The following EIF3A variants were observed in gnomAD, a reference collection of about 807,000 sequenced individuals.
EIF3A encodes EIF3, p180 subunit.
EIF3A carries 21 observed loss-of-function variants against 186.6 expected under a neutral mutation model. The observed-to-expected ratio is 0.11, with a 90% CI of 0.08 to 0.16. EIF3A has a LOEUF of 0.16. Ranked by LOEUF, EIF3A falls within the 10% of genes least tolerant of loss-of-function variation. The pLI is 1.00. For missense variants in EIF3A, 1,306 were observed against 1,796.3 expected, an observed-to-expected ratio of 0.73 and a Z score of 4.93; for synonymous variants, 563 against 584.3, an observed-to-expected ratio of 0.96 and a Z score of 0.52.
intron 20 of EIF3A, 181 bp downstream of exon 20, chr10:119,038,057 C>G: frequency 1.4e-5 from 8 of 566,522 alleles, no homozygotes; most frequent in Non-Finnish European, 2.5e-5. Flanking sequence ...GCTGGGATTA[C>G]AGGCATGCGC....
chr10:119,056,998 C>T lies in EIF3A; in HGVS notation c.2020G>A (p.Val674Ile). 6.2e-7 allele frequency: 1 copy of T among 1,613,030 alleles called. No individual in the cohort carries two copies. The highest frequency in any genetic ancestry group is 8.5e-7 in the Non-Finnish European group (1 of 1,179,682). The change falls in exon 13 of 22, where the codon GTT becomes ATT. Residue 674 changes from valine to isoleucine, a missense_variant. Around this residue, in one of 8 missense-constraint regions of EIF3A, gnomAD observed 94 missense variants for 204.9 expected, o/e 0.46. Transcript: ENST00000369144. ...LDPDFIMAKQ[V>I]EQLEKEKKEL... The stretch of plus-strand genomic sequence containing the variant: ...TTCTTTTCTTTCTCCAGTTGTTCAA[C>T]CTGTTTAGCCATGATAAAATCTGGA...
chr10:119,053,608 G>A (rs867996175), intron 14 of EIF3A, among the ~76,000 whole-genome samples: 6 of 150,450 alleles, frequency 4.0e-5, no homozygotes, highest in East Asian at 2.0e-4. Flanking sequence ...GCCTGTGGTC[G>A]CAGCTACTCA....
intron 5 of EIF3A, among the ~76,000 whole-genome samples, chr10:119,070,634 T>C (rs894224264): frequency 6.6e-6 from 1 of 152,214 alleles, no homozygotes; most frequent in Admixed American, 6.5e-5. Context: ...ACTGGCAATG[T>C]ATTGTTTTAT....
At chr10:119,060,087 A>G (rs1366697347) in intron 9 of EIF3A, 2 of 515,352 alleles carry the variant, frequency 3.9e-6, no homozygotes, top group East Asian at 5.4e-5. Context: ...TGTATAGCAC[A>G]TAAGAAATAA....
intron 16 of EIF3A, 151 bp downstream of exon 16, chr10:119,050,370 A>G (rs2119818652): frequency 1.4e-6 from 1 of 740,336 alleles, no homozygotes; most frequent in Admixed American, 2.4e-5. Flanking sequence ...ACAACTTCAC[A>G]TACAGCAAAC....
chr10:119,051,083 A>C, intron 15 of EIF3A, 116 bp downstream of exon 15: 3 of 863,154 alleles, frequency 3.5e-6, no homozygotes, highest in Non-Finnish European at 3.4e-6. Flanking sequence ...CTATTATTTG[A>C]ATGACCGTTA....
At chr10:119,037,060 T>TTTC in intron 21 of EIF3A, 59 bp downstream of exon 21, 2 of 391,262 alleles carry the variant, frequency 5.1e-6, no homozygotes, top group Admixed American at 3.4e-5. Flanking sequence ...ATAACCCAAA[T>TTTC]CCCCCCCCCC....
chr10:119,037,276 C>T lies in EIF3A; in HGVS notation c.3762G>A (p.Glu1254=), dbSNP rs764625812. 5.6e-6 allele frequency: 9 copies of T among 1,614,026 alleles called. No individual in the cohort carries two copies. In the African/African-American group the frequency reaches 8.0e-5, roughly 14 times the overall value. The change falls in exon 21 of 22, where the codon GAG becomes GAA. Residue 1254 remains glutamate (E), a synonymous_variant. Coordinates refer to ENST00000369144, the MANE Select transcript of EIF3A (RefSeq NM_003750.4). ...DEGGWRRGPA[E]ESSSWRDSSR... ...TTGAGTCTCTCCAGCTTGAAGATTC[C>T]TCAGCTGGTCCTCTTCTCCAGCCAC...
chr10:119,061,198 AC>A (rs1843879616), intron 8 of EIF3A, 25 bp downstream of exon 8: 1 of 1,341,986 alleles, frequency 7.5e-7, no homozygotes, highest in Non-Finnish European at 1.0e-6. Flanking sequence ...TGTGGTAACA[AC>A]CAGAACTTAA....
rs199678201 is a variant in EIF3A, at chr10:119,051,355, CTTTT to C, written c.2197-38_2197-35del. 10 of 1,361,310 alleles carry C rather than the reference CTTTT, an allele frequency of 7.3e-6. No individual in the cohort carries two copies. In the African/African-American group the frequency reaches 7.6e-5, roughly 10 times the overall value. The allele number at this position is 1,361,310 out of a possible 1,614,324, so 84.3% of individuals were successfully genotyped here. On this transcript the variant is annotated intron_variant, in intron 14 of 21. Transcript: ENST00000369144. ...ACAAATATTGTGAAATTTCAATGCA[CTTTT>C]TTTTTTACTCATTAACCCCAAATTA...
chr10:119,072,815 T>C (rs1844100354), intron 4 of EIF3A, 75 bp downstream of exon 4: 1 of 1,510,562 alleles, frequency 6.6e-7, no homozygotes, highest in African/African-American at 1.4e-5. Context: ...CTAGTTCATT[T>C]TAAGTACTTT....
intron 10 of EIF3A, 68 bp downstream of exon 10, chr10:119,059,534 G>C: frequency 3.6e-6 from 5 of 1,386,258 alleles, no homozygotes; most frequent in Non-Finnish European, 4.1e-6. Context: ...CAAAAGCTGA[G>C]AAACAGAAGG....
intron 1 of EIF3A, among the ~76,000 whole-genome samples, chr10:119,077,233 G>A (rs1844190711): frequency 6.6e-6 from 1 of 152,144 alleles, no homozygotes; most frequent in African/African-American, 2.4e-5. Context: ...GGGAGGCTAA[G>A]GCGAGCAGAT....
chr10:119,063,313 T>C (rs944015075), intron 7 of EIF3A, among the ~76,000 whole-genome samples: 12 of 152,158 alleles, frequency 7.9e-5, no homozygotes, highest in Non-Finnish European at 1.6e-4. Flanking sequence ...CAGGAACTCT[T>C]TGCAAAAGTT....
At chr10:119,050,041 G>T in intron 16 of EIF3A, 56 bp from the exon 17 acceptor site, 1 of 1,532,482 alleles carries the variant, frequency 6.5e-7, no homozygotes, top group Non-Finnish European at 8.9e-7. Context: ...TCCCCCTAGT[G>T]CTAGTTCCAC....
At chr10:119,050,993 G>T (rs927467110) in intron 15 of EIF3A, among the ~76,000 whole-genome samples, 2 of 152,128 alleles carry the variant, frequency 1.3e-5, no homozygotes, top group Non-Finnish European at 2.9e-5. Flanking sequence ...AACAAAACTT[G>T]TATTAAATTA....
intron 6 of EIF3A, among the ~76,000 whole-genome samples, chr10:119,066,907 T>C (rs539962575): frequency 6.6e-4 from 101 of 152,248 alleles, no homozygotes; most frequent in African/African-American, 2.2e-3. Flanking sequence ...AAGAACATGT[T>C]TTTCCTTAAA....
intron 1 of EIF3A, among the ~76,000 whole-genome samples, chr10:119,078,900 A>T (rs550598053): frequency 6.6e-6 from 1 of 152,330 alleles, no homozygotes; most frequent in South Asian, 2.1e-4. Context: ...CGAACACACC[A>T]AATATATAAT....
intron 18 of EIF3A, among the ~76,000 whole-genome samples, chr10:119,043,121 A>G (rs1373195599): frequency 6.6e-6 from 1 of 151,694 alleles, no homozygotes; most frequent in Non-Finnish European, 1.5e-5. Context: ...CCATCACTAT[A>G]AAGAATATAA....
Sources: allele counts gnomAD v4.1 joint callset (sites outside exome capture counted in the v4.1 genomes callset), GRCh38; gene constraint gnomAD v4.1.1; regional missense constraint gnomAD v4.1.1; transcripts MANE v1.5; gene names NCBI Gene and HGNC (gene_info 2026-07-23, HGNC 2026-07-21).